GALNT13: variants seen among roughly 807,000 people sequenced by gnomAD.
GALNT13 encodes polypeptide N-acetylgalactosaminyltransferase 13.
In GALNT13, 28 loss-of-function variants were observed where a neutral mutation model predicts 64.2. That is an observed-to-expected ratio of 0.44 (90% CI 0.32 to 0.60). The LOEUF is 0.60. GALNT13 is among the 20% of genes least tolerant of loss of function. The pLI, the probability that GALNT13 is intolerant of heterozygous loss-of-function variation, is 0.05. For missense variants in GALNT13, 577 were observed against 669.8 expected, an observed-to-expected ratio of 0.86 and a Z score of 1.53; for synonymous variants, 214 against 224.6, an observed-to-expected ratio of 0.95 and a Z score of 0.42.
the GALNT13 span, among the ~76,000 whole-genome samples, chr2:153,270,719 C>T: frequency 6.6e-6 from 1 of 152,088 alleles, no homozygotes; most frequent in African/African-American, 2.4e-5. Flanking sequence ...GGCAAGATGG[C>T]ACACCCCTTG....
the GALNT13 span, among the ~76,000 whole-genome samples, chr2:153,178,732 C>CT: frequency 0.18 from 17,488 of 98,380 alleles, 2,323 homozygotes; most frequent in East Asian, 0.62. Context: ...TTCTCTTCTT[C>CT]TTTTTTTTTT....
chr2:153,788,929 G>A, the GALNT13 span, among the ~76,000 whole-genome samples: 4 of 151,986 alleles, frequency 2.6e-5, no homozygotes, highest in African/African-American at 9.7e-5. Flanking sequence ...CACCCAACAC[G>A]AGATCACCCA....
At chr2:153,726,353 T>G in the GALNT13 span, among the ~76,000 whole-genome samples, 2 of 152,170 alleles carry the variant, frequency 1.3e-5, no homozygotes, top group Admixed American at 6.6e-5. Flanking sequence ...AATGCAAGTT[T>G]TTTTTCATGT....
chr2:153,487,252 C>T, the GALNT13 span, among the ~76,000 whole-genome samples: 1 of 152,222 alleles, frequency 6.6e-6, no homozygotes, highest in Non-Finnish European at 1.5e-5. Context: ...AGCAGCATTT[C>T]TGTGTGTATA....
chr2:153,321,549 A>T, the GALNT13 span, among the ~76,000 whole-genome samples: 1 of 152,212 alleles, frequency 6.6e-6, no homozygotes, highest in Non-Finnish European at 1.5e-5. Flanking sequence ...TACCAATCCC[A>T]TTCCATAAAA....
At chr2:153,203,874 T>TACACACACAC in the GALNT13 span, among the ~76,000 whole-genome samples, 3 of 150,900 alleles carry the variant, frequency 2.0e-5, no homozygotes, top group African/African-American at 7.3e-5. Flanking sequence ...GTAGCGTGTC[T>TACACACACAC]ACACACACAC....
intron 11 of GALNT13, chr2:154,409,371 A>G (rs775956684): frequency 9.3e-6 from 3 of 323,214 alleles, no homozygotes; most frequent in Non-Finnish European, 1.7e-5. Flanking sequence ...AGAGGAGTAC[A>G]TTTTATTCTA....
the GALNT13 span, among the ~76,000 whole-genome samples, chr2:153,186,190 T>G: frequency 6.6e-6 from 1 of 152,104 alleles, no homozygotes; most frequent in East Asian, 1.9e-4. Flanking sequence ...CTTGTTGAAC[T>G]GAAACCTTTA....
intron 9 of GALNT13, among the ~76,000 whole-genome samples, chr2:154,344,161 T>G (rs563908095): frequency 6.6e-6 from 1 of 152,176 alleles, no homozygotes; most frequent in East Asian, 1.9e-4. Context: ...TCTAGAATTT[T>G]CTGCTTTTAA....
intron 9 of GALNT13, among the ~76,000 whole-genome samples, chr2:154,366,328 G>A (rs1189354413): frequency 6.6e-5 from 10 of 152,100 alleles, no homozygotes; most frequent in Admixed American, 5.2e-4. Context: ...ATGTACATGT[G>A]TATTGCATAT....
chr2:153,317,574 C>T, the GALNT13 span, among the ~76,000 whole-genome samples: 1 of 151,562 alleles, frequency 6.6e-6, no homozygotes, highest in Non-Finnish European at 1.5e-5. Context: ...TAAAACTTTT[C>T]TTATTAAAGT....
chr2:153,895,852 G>T (rs568053751), intron 1 of GALNT13, among the ~76,000 whole-genome samples: 1 of 151,712 alleles, frequency 6.6e-6, no homozygotes, highest in South Asian at 2.1e-4. Context: ...ACAAATATTT[G>T]ATGATAATTT....
At chr2:153,608,370 G>T in the GALNT13 span, among the ~76,000 whole-genome samples, 2 of 151,986 alleles carry the variant, frequency 1.3e-5, no homozygotes, top group Non-Finnish European at 2.9e-5. Flanking sequence ...AGAGTGTGTT[G>T]AGAAAGCAAT....
intron 3 of GALNT13, among the ~76,000 whole-genome samples, chr2:154,057,325 G>A (rs559989939): frequency 2.6e-5 from 4 of 152,216 alleles, no homozygotes; most frequent in Admixed American, 6.5e-5. Flanking sequence ...CACCACGCCC[G>A]GCCCTAAACC....
chr2:154,064,847 CAG>C (rs1700377655), intron 3 of GALNT13, among the ~76,000 whole-genome samples: 1 of 152,038 alleles, frequency 6.6e-6, no homozygotes. Flanking sequence ...TTGAGAAATG[CAG>C]AGTGAAGAGT....
At chr2:154,322,814 A>C (rs1483823735) in intron 9 of GALNT13, among the ~76,000 whole-genome samples, 1 of 152,054 alleles carries the variant, frequency 6.6e-6, no homozygotes, top group East Asian at 1.9e-4. Context: ...TCCCGAAGCC[A>C]TTGACTAAAG....
At chr2:153,657,130 C>T in the GALNT13 span, among the ~76,000 whole-genome samples, 1 of 152,004 alleles carries the variant, frequency 6.6e-6, no homozygotes, top group Admixed American at 6.6e-5. Context: ...AAACACAGAA[C>T]ATATTGAGAT....
chr2:154,227,838 T>G (rs1362129754), intron 4 of GALNT13, among the ~76,000 whole-genome samples: 6 of 151,750 alleles, frequency 4.0e-5, no homozygotes, highest in Non-Finnish European at 8.8e-5. Context: ...CTGAGATAAC[T>G]TTGCCACGAA....
intron 4 of GALNT13, among the ~76,000 whole-genome samples, chr2:154,204,315 C>T (rs2105785503): frequency 6.6e-6 from 1 of 152,222 alleles, no homozygotes; most frequent in African/African-American, 2.4e-5. Flanking sequence ...AAGTTTTTCC[C>T]TCTAAAATAT....
Sources: gnomAD v4.1 joint callset for allele counts (sites outside exome capture counted in the v4.1 genomes callset) on GRCh38, gnomAD v4.1.1 for gene constraint, MANE v1.5 for transcripts, NCBI Gene and HGNC (gene_info 2026-07-23, HGNC 2026-07-21) for gene names.